Variants in PROX1 observed in about 807,000 individuals in gnomAD.
PROX1 encodes prospero homeobox protein 1.
Under a neutral mutation model 58.8 loss-of-function variants are expected in PROX1, and 7 were observed. The ratio of observed to expected loss-of-function variants is 0.12; its 90% CI spans 0.07 to 0.22. PROX1 has a LOEUF of 0.22. PROX1 is among the 10% of genes least tolerant of loss of function. The pLI is 1.00. For synonymous variants in PROX1, 350 were observed against 358.3 expected (o/e 0.98, Z 0.26); for missense variants, 675 against 927.8 (o/e 0.73, Z 3.54).
chr1:213,986,772 TTAAAAGC>T (rs1662834420), upstream of PROX1, among the ~76,000 whole-genome samples: 1 of 152,220 alleles, frequency 6.6e-6, no homozygotes. Context: ...GGCTGCTTTA[TTAAAAGC>T]CGTTTACTGT....
At chr1:213,996,187 G>A (rs1232301635) in intron 1 of PROX1, among the ~76,000 whole-genome samples, 1 of 152,072 alleles carries the variant, frequency 6.6e-6, no homozygotes, top group Non-Finnish European at 1.5e-5. Context: ...TTCTTCTGAA[G>A]ATAAACAGTA....
chr1:214,021,452 A>C (rs560408211), intron 4 of PROX1, among the ~76,000 whole-genome samples: 1 of 152,256 alleles, frequency 6.6e-6, no homozygotes, highest in East Asian at 1.9e-4. Flanking sequence ...CTCCCTCTTA[A>C]TCTTCATCTC....
intron 4 of PROX1, among the ~76,000 whole-genome samples, chr1:214,021,446 C>T (rs145968131): frequency 7.2e-4 from 109 of 152,360 alleles, no homozygotes; most frequent in African/African-American, 2.3e-3. Flanking sequence ...TCATTACTCC[C>T]TCTTAATCTT....
chr1:214,021,647 G>A (rs1013837582), intron 4 of PROX1, among the ~76,000 whole-genome samples: 2 of 152,204 alleles, frequency 1.3e-5, no homozygotes, highest in South Asian at 2.1e-4. Flanking sequence ...CCACGGTTTG[G>A]TGATGGTGCC....
chr1:213,995,910 T>C (rs1663245149), intron 1 of PROX1, among the ~76,000 whole-genome samples: 1 of 152,250 alleles, frequency 6.6e-6, no homozygotes. Context: ...CTTCCCATTT[T>C]ACATATGACA....
Position 214,035,849 on chromosome 1 carries a change from C to T in PROX1, c.*15C>T. 6.2e-7 allele frequency: 1 copy of T among 1,600,976 alleles called. No individual in the cohort carries two copies. Among genetic ancestry groups the T allele is most frequent in the Non-Finnish European group, 8.5e-7 (1 of 1,173,200 alleles). On this transcript the variant is annotated 3_prime_UTR_variant, in exon 5 of 5. Coordinates refer to ENST00000366958, the MANE Select transcript of PROX1 (RefSeq NM_001270616.2). Reference sequence around the variant, plus strand: ...TTCATGAGTAGAAATTTCAACAACTCTTTTTGAATGTATGAAGAGTAGCAG... The same window carrying T: ...TTCATGAGTAGAAATTTCAACAACTTTTTTTGAATGTATGAAGAGTAGCAG...
At chr1:214,030,362 A>G (rs1407279248) in intron 4 of PROX1, 1 of 152,160 alleles carries the variant, frequency 6.6e-6, no homozygotes, top group Non-Finnish European at 1.5e-5. Context: ...ATCAGCTATA[A>G]AGATGATTTC....
At chr1:214,003,018 T>G (rs531256363) in intron 2 of PROX1, among the ~76,000 whole-genome samples, 1 of 152,264 alleles carries the variant, frequency 6.6e-6, no homozygotes, top group East Asian at 1.9e-4. Flanking sequence ...AAAGCAAAAA[T>G]GAACTTGAGA....
Position 213,997,161 on chromosome 1 carries a change from G to A in PROX1, c.626G>A (p.Arg209His). The A allele has an allele frequency of 6.2e-7, 1 of 1,613,410 alleles. No homozygotes were observed. The highest frequency in any genetic ancestry group is 8.5e-7 in the Non-Finnish European group (1 of 1,179,836). ...CGAGAAAGTTACAGAGAAAACAAACGCAAGCAAAAGCTTCCCCAGCAGCAG... is the reference window on the plus strand; with the variant it reads ...CGAGAAAGTTACAGAGAAAACAAACACAAGCAAAAGCTTCCCCAGCAGCAG... ...SPRESYRENK[R>H]KQKLPQQQQQ... Residue 209 changes from arginine (R) to histidine (H), a missense_variant, in exon 2 of 5, where the codon CGC (arginine) becomes CAC (histidine). Transcript: ENST00000366958. This position sits in a 1 kb window ranked among gnomAD's most constrained non-coding sequence, Gnocchi z 7.1.
At chr1:213,986,558 TACTTGTA>T (rs1662830627), upstream of PROX1, 2 of 152,186 alleles carry the variant, frequency 1.3e-5, no homozygotes, top group African/African-American at 4.8e-5. Flanking sequence ...TTGGCCAGTG[TACTTGTA>T]ACACACCTCA....
chr1:214,035,665 T>C lies in PROX1; in HGVS notation c.2045T>C (p.Leu682Pro), dbSNP rs1664805659. 1 of 1,612,058 alleles carries C rather than the reference T, an allele frequency of 6.2e-7. No individual in the cohort carries two copies. Among genetic ancestry groups the C allele is most frequent in the Non-Finnish European group, 8.5e-7 (1 of 1,178,966 alleles). ...TATCAGCAGGTTCCAGAGAGATTCC[T>C]GGAAGTTGCTCAGATCACATTACGG... ...ANDFEVPERF[L>P]EVAQITLREF... is the part of the protein sequence containing the mutation. Residue 682 changes from leucine (L) to proline (P), a missense_variant, in exon 5 of 5, where the codon CTG becomes CCG. By Grantham distance (98) the Leu-to-Pro change is moderately conservative. Around this residue, in one of 8 missense-constraint regions of PROX1, gnomAD observed 50 missense variants for 79.3 expected, o/e 0.63. Coordinates refer to ENST00000366958, the MANE Select transcript of PROX1 (RefSeq NM_001270616.2).
At chr1:213,992,219 T>C (rs1476918595) in intron 1 of PROX1, among the ~76,000 whole-genome samples, 2 of 152,112 alleles carry the variant, frequency 1.3e-5, no homozygotes, top group African/African-American at 4.8e-5. Flanking sequence ...TTAAATGAAA[T>C]CTTAAATGAT....
At chr1:214,018,194 T>C (rs567702397) in intron 4 of PROX1, among the ~76,000 whole-genome samples, 24 of 152,276 alleles carry the variant, frequency 1.6e-4, no homozygotes, top group South Asian at 4.1e-4. Context: ...TCTTCATTTT[T>C]CCCCCCGCAG....
chr1:213,994,224 C>G (rs1008777455), intron 1 of PROX1, among the ~76,000 whole-genome samples: 12 of 152,098 alleles, frequency 7.9e-5, no homozygotes, highest in South Asian at 4.1e-4. Context: ...GGAGGAAAGT[C>G]CAGTTTGGGT....
Position 213,997,286 on chromosome 1 carries a change from C to A in PROX1, c.751C>A (p.Arg251Ser). 6.2e-7 allele frequency: 1 copy of A among 1,613,978 alleles called. No individual in the cohort carries two copies. The highest frequency in any genetic ancestry group is 8.5e-7 in the Non-Finnish European group (1 of 1,179,986). ...QQLEDMQKQL[R>S]QLQEKFYQIY... Reference sequence around the variant, plus strand: ...GCTGGAGGACATGCAGAAACAGCTGCGCCAGCTGCAGGAAAAGTTCTACCA... The same window carrying A: ...GCTGGAGGACATGCAGAAACAGCTGAGCCAGCTGCAGGAAAAGTTCTACCA... The change falls in exon 2 of 5, where the codon CGC (arginine) becomes AGC (serine). Residue 251 changes from arginine to serine, a missense_variant. Physicochemically the swap from Arg to Ser is moderately radical, Grantham distance 110. Coordinates refer to ENST00000366958, the MANE Select transcript of PROX1 (RefSeq NM_001270616.2). The surrounding 1 kb of genome is among the most constrained non-coding windows in gnomAD (Gnocchi z 7.1).
rs953545195 is a variant in PROX1, at chr1:214,023,293, C to T, written c.2028+11578C>T. 3.9e-5 allele frequency among the ~76,000 whole-genome samples: 6 copies of T among 152,036 alleles called. No homozygotes were observed. The South Asian group carries it at 6.2e-4, about 16-fold the overall frequency. On this transcript the variant is annotated intron_variant, in intron 4 of 4. Transcript: ENST00000366958. ...CAGCATTTATAATATGCATTAACTTCTATATAATGTACGTCTCCTCTCTTT... is the reference window on the plus strand; with the variant it reads ...CAGCATTTATAATATGCATTAACTTTTATATAATGTACGTCTCCTCTCTTT...
At chr1:214,030,396 G>C (rs1349626112) in intron 4 of PROX1, 1 of 152,084 alleles carries the variant, frequency 6.6e-6, no homozygotes, top group African/African-American at 2.4e-5. Context: ...GTAATCTATT[G>C]ATAGGCTTGA....
intron 3 of PROX1, among the ~76,000 whole-genome samples, chr1:214,010,286 A>C (rs1370585929): frequency 7.2e-5 from 11 of 152,170 alleles, no homozygotes; most frequent in African/African-American, 2.7e-4. Context: ...TGGGAGAAAC[A>C]CCAGTCTCTC....
rs1250699408 is a variant in PROX1 at position 214,002,403 on chromosome 1, T to C, written c.1726-2762T>C. ...GGATTTATCATCTTTTCTTTTTTTT[T>C]TCTTTTTTCTTTTTTTTTTTTTTTT... On this transcript the variant is annotated intron_variant, in intron 2 of 4. Coordinates refer to ENST00000366958, the MANE Select transcript of PROX1 (RefSeq NM_001270616.2). 5.8e-5 allele frequency among the ~76,000 whole-genome samples: 8 copies of C among 137,634 alleles called. No individual in the cohort carries two copies. In the East Asian group the frequency reaches 1.7e-3, roughly 29 times the overall value. 90.3% of individuals were successfully genotyped at this position (137,634 alleles called of 152,430 possible). A position where few individuals can be genotyped will look rare whatever the true frequency, so the allele number is the denominator to read the frequency against.
Sources: gnomAD v4.1 joint callset for allele counts (sites outside exome capture counted in the v4.1 genomes callset) on GRCh38, gnomAD v4.1.1 for gene constraint, gnomAD v4.1.1 regional missense constraint, Gnocchi (gnomAD v3.1) non-coding constraint, MANE v1.5 for transcripts, NCBI Gene and HGNC (gene_info 2026-07-23, HGNC 2026-07-21) for gene names.